The following UFSP2 variants were observed in gnomAD, a reference collection of about 807,000 sequenced individuals.
UFSP2 encodes ufm1-specific protease 2.
In UFSP2, 43 loss-of-function variants were observed where a neutral mutation model predicts 60.2. The ratio of observed to expected loss-of-function variants is 0.71; its 90% CI spans 0.56 to 0.92. The LOEUF is 0.92. Among genes scored for constraint, UFSP2 ranks in the 40% least tolerant of loss-of-function variants. UFSP2 has a pLI of 0.00. For missense variants in UFSP2, 520 were observed against 575.0 expected (o/e 0.90, Z 0.98); for synonymous variants, 183 against 195.1 (o/e 0.94, Z 0.52).
Position 185,415,884 on chromosome 4 carries a change from T to C in UFSP2, c.334-17A>G. ...TATTTGATGCTATATAGATAAACAGTAATAGTCAACTTGTAGTGCATTAAA... is the reference window on the plus strand; with the variant it reads ...TATTTGATGCTATATAGATAAACAGCAATAGTCAACTTGTAGTGCATTAAA... On this transcript the variant is annotated splice_polypyrimidine_tract_variant and intron_variant, in intron 4 of 11. Transcript: ENST00000264689. 6.3e-7 allele frequency: 1 copy of C among 1,590,116 alleles called. No individual in the cohort carries two copies. Among genetic ancestry groups the C allele is most frequent in the Non-Finnish European group, 8.6e-7 (1 of 1,166,436 alleles).
chr4:185,421,384 A>G (rs1200209926), intron 2 of UFSP2, among the ~76,000 whole-genome samples: 1 of 152,170 alleles, frequency 6.6e-6, no homozygotes, highest in Non-Finnish European at 1.5e-5. Flanking sequence ...CCAATGTTTG[A>G]AGTGGGGCCT....
chr4:185,407,735 T>C (rs2095522891), intron 9 of UFSP2, among the ~76,000 whole-genome samples: 1 of 151,794 alleles, frequency 6.6e-6, no homozygotes, highest in Non-Finnish European at 1.5e-5. Flanking sequence ...TCACAAAGTT[T>C]ATTCATAAAA....
intron 2 of UFSP2, among the ~76,000 whole-genome samples, chr4:185,419,242 C>T (rs2095544996): frequency 6.6e-6 from 1 of 152,174 alleles, no homozygotes; most frequent in Non-Finnish European, 1.5e-5. Context: ...CGCCATTCTC[C>T]TGCCTCAGCC....
intron 4 of UFSP2, among the ~76,000 whole-genome samples, chr4:185,417,662 T>G (rs996064065): frequency 6.6e-6 from 1 of 152,206 alleles, no homozygotes. Context: ...TACAACTTCG[T>G]GCCTTGAAGA....
chr4:185,418,047 A>AACACAC (rs56260529), intron 4 of UFSP2, among the ~76,000 whole-genome samples: 43 of 143,056 alleles, frequency 3.0e-4, no homozygotes, highest in Middle Eastern at 3.6e-3. Context: ...TCCATCTCAA[A>AACACAC]ACACACACAC....
chr4:185,401,458 G>A (rs78882169), intron 11 of UFSP2, among the ~76,000 whole-genome samples: 7,850 of 152,294 alleles, frequency 0.052, 253 homozygotes, highest in South Asian at 0.088. Context: ...CAGGTAACCA[G>A]ATCCAGATTT....
intron 7 of UFSP2, among the ~76,000 whole-genome samples, chr4:185,412,136 A>G (rs1212886545): frequency 6.6e-6 from 1 of 152,222 alleles, no homozygotes; most frequent in Non-Finnish European, 1.5e-5. Flanking sequence ...TACAATTTGC[A>G]TATGTTATAT....
chr4:185,425,528 G>A (rs1329747747), intron 1 of UFSP2, among the ~76,000 whole-genome samples: 1 of 152,216 alleles, frequency 6.6e-6, no homozygotes, highest in Non-Finnish European at 1.5e-5. Context: ...GGAACTAGGG[G>A]AATATAATAT....
In UFSP2 at chr4:185,413,740, T is replaced by C. The variant is rs1251517700; in HGVS notation, c.817A>G (p.Met273Val). ...NPHTYLNPPN[M>V]ETGMIYVVQG... ...GTTAAACTCACCATACCAGTCTCCATGTTAGGTGGATTAAGGTAAGTATGT... is the reference window on the plus strand; with the variant it reads ...GTTAAACTCACCATACCAGTCTCCACGTTAGGTGGATTAAGGTAAGTATGT... The change falls in exon 7 of 12, where the codon ATG becomes GTG. Residue 273 changes from methionine to valine, a missense_variant. Coordinates refer to ENST00000264689, the MANE Select transcript of UFSP2 (RefSeq NM_018359.5). 5.0e-6 allele frequency: 8 copies of C among 1,611,152 alleles called. No individual in the cohort carries two copies. The highest frequency in any genetic ancestry group is 1.3e-5 in the African/African-American group (1 of 74,780).
At chr4:185,420,573 A>G (rs886066249) in intron 2 of UFSP2, among the ~76,000 whole-genome samples, 2 of 152,182 alleles carry the variant, frequency 1.3e-5, no homozygotes, top group Non-Finnish European at 2.9e-5. Context: ...TGTAGAGATT[A>G]CTCATAACAA....
chr4:185,408,003 C>G lies in UFSP2; in HGVS notation c.1054G>C (p.Gly352Arg). The change falls in exon 9 of 12, where the codon GGA (glycine) becomes CGA (arginine). Residue 352 changes from glycine (G) to arginine (R), a missense_variant. Gly to Arg is a moderately radical substitution (Grantham distance 125, BLOSUM62 -2). Transcript: ENST00000264689. Reference sequence around the variant, plus strand: ...AGTACCAGCTGCACCTCAATAGATCCAATCCATTGCCGCGATCCGACAAAT... The same window carrying G: ...AGTACCAGCTGCACCTCAATAGATCGAATCCATTGCCGCGATCCGACAAAT... ...ATFVGSRQWIGSIEVQLVLNQ... is the reference protein window; with the variant it reads ...ATFVGSRQWIRSIEVQLVLNQ... 2 of 1,613,754 alleles carry G rather than the reference C, an allele frequency of 1.2e-6. No individual in the cohort carries two copies. Among genetic ancestry groups the G allele is most frequent in the Non-Finnish European group, 1.7e-6 (2 of 1,179,700 alleles).
At chr4:185,406,639 G>C (rs1330970753) in intron 9 of UFSP2, among the ~76,000 whole-genome samples, 1 of 152,228 alleles carries the variant, frequency 6.6e-6, no homozygotes, top group Non-Finnish European at 1.5e-5. Context: ...GGAGTGGCGC[G>C]ATCTCAGCTC....
At chr4:185,404,293 G>GTTTT (rs70962562) in intron 10 of UFSP2, among the ~76,000 whole-genome samples, 8 of 80,468 alleles carry the variant, frequency 9.9e-5, no homozygotes, top group African/African-American at 2.5e-4. Context: ...CATTCATTAA[G>GTTTT]TTTTTTTTTT....
intron 6 of UFSP2, 121 bp from the exon 7 acceptor site, chr4:185,413,993 C>T (rs1419511595): frequency 1.2e-6 from 1 of 856,068 alleles, no homozygotes; most frequent in Non-Finnish European, 1.6e-6. Flanking sequence ...TTTCCAAACA[C>T]TTATGGTTTA....
rs951755750 is a variant in UFSP2, at chr4:185,399,801, T to C, written c.*591A>G. On this transcript the variant is annotated 3_prime_UTR_variant, in exon 12 of 12. Coordinates refer to ENST00000264689, the MANE Select transcript of UFSP2 (RefSeq NM_018359.5). ...AAGTAACTCAGAGCTGCTGCTTTTT[T>C]CCTCCCGCAGTGATCTCTTGTTTGC... The C allele has an allele frequency of 6.8e-6, 11 of 1,613,276 alleles. No homozygotes were observed. Among genetic ancestry groups the C allele is most frequent in the Admixed American group, 1.7e-5 (1 of 59,988 alleles).
intron 5 of UFSP2, 106 bp from the exon 6 acceptor site, chr4:185,415,453 C>A (rs1580070018): frequency 6.9e-6 from 7 of 1,010,682 alleles, no homozygotes; most frequent in Non-Finnish European, 9.7e-6. Context: ...TTGATTGGAC[C>A]AGGTTTGCTA....
Position 185,415,828 on chromosome 4 carries a change from T to C in UFSP2, c.373A>G (p.Thr125Ala), listed in dbSNP as rs1367517821. ...ATGGGCGTTACAGCTGCCAGGGAGG[T>C]TGACATTTCCAGCATAAGATCTATA... is the stretch of plus-strand genomic sequence containing the variant. ...VNIDLMLEMS[T>A]SLAAVTPIIE... The change falls in exon 5 of 12, where the codon ACC (threonine) becomes GCC (alanine). Residue 125 changes from threonine to alanine, a missense_variant. Physicochemically the swap from Thr to Ala is moderately conservative, Grantham distance 58 (BLOSUM62 0). Transcript: ENST00000264689. 1.2e-6 allele frequency: 2 copies of C among 1,613,460 alleles called. No homozygotes were observed. The highest frequency in any genetic ancestry group is 4.5e-5 in the East Asian group (2 of 44,888).
chr4:185,425,832 A>T, intron 1 of UFSP2, 34 bp downstream of exon 1: 9 of 1,599,674 alleles, frequency 5.6e-6, no homozygotes, highest in Non-Finnish European at 7.7e-6. Context: ...TCCGGGGAAA[A>T]ACACAGGGGT....
intron 4 of UFSP2, among the ~76,000 whole-genome samples, chr4:185,418,072 A>ACACACACACAC (rs775066216): frequency 7.3e-6 from 1 of 137,124 alleles, no homozygotes; most frequent in Non-Finnish European, 1.7e-5. Context: ...ACACACAAAC[A>ACACACACACAC]ACAGAACCAA....
Sources: gnomAD v4.1 joint callset for allele counts (sites outside exome capture counted in the v4.1 genomes callset) on GRCh38, gnomAD v4.1.1 for gene constraint, MANE v1.5 for transcripts, NCBI Gene and HGNC (gene_info 2026-07-23, HGNC 2026-07-21) for gene names.